PPM1L: variants seen among roughly 807,000 people sequenced by gnomAD.
PPM1L encodes protein phosphatase 1L.
In PPM1L, 13 loss-of-function variants were observed where a neutral mutation model predicts 31.4. That is an observed-to-expected ratio of 0.41 (90% confidence interval 0.27 to 0.66). The LOEUF is 0.66. Among genes scored for constraint, PPM1L ranks in the 30% least tolerant of loss-of-function variants. The probability of loss-of-function intolerance (pLI) is 0.29; values close to 1 mark genes in which losing one functional copy is unlikely to be tolerated. For missense variants in PPM1L, 326 were observed against 453.7 expected, an observed-to-expected ratio of 0.72 and a Z score of 2.56; for synonymous variants, 184 against 175.4, an observed-to-expected ratio of 1.05 and a Z score of -0.39.
intron 1 of PPM1L, among the ~76,000 whole-genome samples, chr3:160,944,246 AT>A (rs1715252181): frequency 6.6e-6 from 1 of 151,986 alleles, no homozygotes; most frequent in African/African-American, 2.4e-5. Context: ...CTTAATTCAA[AT>A]TTTACATGTC....
chr3:160,926,194 A>G (rs939119053), intron 1 of PPM1L, among the ~76,000 whole-genome samples: 2 of 152,180 alleles, frequency 1.3e-5, no homozygotes, highest in African/African-American at 2.4e-5. Flanking sequence ...CTGTGGATTC[A>G]TAATGTAATT....
In PPM1L at chr3:160,825,248, G is replaced by A. The variant is rs75379210; in HGVS notation, c.399+68541G>A. ...TTTGCAATTGAAATTTGAGTATTTG[G>A]GATCCTAAAATAGAACCGTAAGGTG... is the stretch of plus-strand genomic sequence containing the variant. On this transcript the variant is annotated intron_variant, in intron 1 of 3. Coordinates refer to ENST00000498165, the MANE Select transcript of PPM1L (RefSeq NM_139245.4). Among the ~76,000 whole-genome samples the A allele has an allele frequency of 2.0e-5, 3 of 151,820 alleles. No homozygotes were observed. The East Asian group carries it at 5.8e-4, about 29-fold the overall frequency.
chr3:160,851,339 C>A (rs1711513828), intron 1 of PPM1L, among the ~76,000 whole-genome samples: 2 of 152,100 alleles, frequency 1.3e-5, no homozygotes, highest in Admixed American at 1.3e-4. Flanking sequence ...ATCAGTGATT[C>A]TATTATTTTC....
At chr3:160,833,075 C>T (rs555962130) in intron 1 of PPM1L, among the ~76,000 whole-genome samples, 1 of 152,282 alleles carries the variant, frequency 6.6e-6, no homozygotes, top group East Asian at 1.9e-4. Flanking sequence ...CAGCTTCATC[C>T]ATGTCCCTGC....
At chr3:161,018,814 AT>A (rs1718159047) in intron 2 of PPM1L, among the ~76,000 whole-genome samples, 1 of 152,216 alleles carries the variant, frequency 6.6e-6, no homozygotes, top group African/African-American at 2.4e-5. Flanking sequence ...TTTCCAAGGT[AT>A]GTTCCTTGGC....
intron 1 of PPM1L, among the ~76,000 whole-genome samples, chr3:160,851,723 G>A (rs1027800751): frequency 1.3e-5 from 2 of 152,108 alleles, no homozygotes; most frequent in African/African-American, 4.8e-5. Flanking sequence ...GTTATCTAGA[G>A]GGAAAGATCC....
chr3:160,870,264 C>T (rs553017445), intron 1 of PPM1L, among the ~76,000 whole-genome samples: 9 of 152,248 alleles, frequency 5.9e-5, no homozygotes, highest in African/African-American at 1.9e-4. Flanking sequence ...CACCCACTCT[C>T]CGGAAAAGAG....
At chr3:161,022,323 C>A in intron 2 of PPM1L, 1 of 409,594 alleles carries the variant, frequency 2.4e-6, no homozygotes, top group Non-Finnish European at 4.3e-6. Flanking sequence ...TATGCTTATA[C>A]ATTATAATGT....
intron 2 of PPM1L, among the ~76,000 whole-genome samples, chr3:161,012,871 T>C (rs1717942923): frequency 6.6e-6 from 1 of 152,222 alleles, no homozygotes; most frequent in Non-Finnish European, 1.5e-5. Context: ...ATATCCCCTT[T>C]ATCATTTTTT....
At chr3:160,972,938 C>T (rs561310652) in intron 2 of PPM1L, among the ~76,000 whole-genome samples, 2 of 151,832 alleles carry the variant, frequency 1.3e-5, no homozygotes, top group Non-Finnish European at 2.9e-5. Flanking sequence ...ATTTGCATTT[C>T]TCTGATGGCC....
intron 1 of PPM1L, among the ~76,000 whole-genome samples, chr3:160,918,798 C>A (rs1714281213): frequency 6.6e-6 from 1 of 151,962 alleles, no homozygotes; most frequent in Admixed American, 6.6e-5. Context: ...ATACCCTTGC[C>A]TGGAATAATT....
intron 1 of PPM1L, among the ~76,000 whole-genome samples, chr3:160,815,395 G>A (rs779780408): frequency 1.3e-5 from 2 of 152,054 alleles, no homozygotes; most frequent in Non-Finnish European, 1.5e-5. Context: ...CTAAATAGAT[G>A]TTCATTGAAA....
intron 1 of PPM1L, among the ~76,000 whole-genome samples, chr3:160,918,445 A>G (rs1379898960): frequency 2.0e-5 from 3 of 152,256 alleles, no homozygotes; most frequent in African/African-American, 7.2e-5. Flanking sequence ...TCTGTTTGGA[A>G]ATTTCTATTA....
chr3:160,886,893 G>A (rs932413368), intron 1 of PPM1L, among the ~76,000 whole-genome samples: 5 of 152,016 alleles, frequency 3.3e-5, no homozygotes, highest in African/African-American at 1.2e-4. Context: ...TTCAGAAGGT[G>A]GGTAATAAAA....
At chr3:160,881,674 G>A (rs893110619) in intron 1 of PPM1L, among the ~76,000 whole-genome samples, 7 of 152,076 alleles carry the variant, frequency 4.6e-5, no homozygotes, top group Admixed American at 3.9e-4. Flanking sequence ...CAGAATTCTC[G>A]ATAGGGTTTT....
intron 1 of PPM1L, among the ~76,000 whole-genome samples, chr3:160,862,799 G>A (rs542546238): frequency 1.3e-5 from 2 of 151,520 alleles, no homozygotes; most frequent in Admixed American, 6.6e-5. Flanking sequence ...AGAGTAGGGG[G>A]GAAAAAAGCT....
At chr3:161,025,174 G>A (rs1718343508) in intron 2 of PPM1L, among the ~76,000 whole-genome samples, 1 of 152,132 alleles carries the variant, frequency 6.6e-6, no homozygotes, top group Non-Finnish European at 1.5e-5. Context: ...CCAAAACTGA[G>A]GTGTTGCCTG....
chr3:160,920,426 A>C (rs1576714408), intron 1 of PPM1L, among the ~76,000 whole-genome samples: 1 of 152,108 alleles, frequency 6.6e-6, no homozygotes, highest in African/African-American at 2.4e-5. Flanking sequence ...GAATTTCTAA[A>C]TGGATAAAAC....
At chr3:161,031,993 C>A (rs890560499) in intron 2 of PPM1L, among the ~76,000 whole-genome samples, 19 of 152,196 alleles carry the variant, frequency 1.2e-4, no homozygotes, top group Admixed American at 1.2e-3. Flanking sequence ...AGAGCAAAGT[C>A]TAACAGGGCT....
Sources: allele counts gnomAD v4.1 joint callset (sites outside exome capture counted in the v4.1 genomes callset), GRCh38; gene constraint gnomAD v4.1.1; transcripts MANE v1.5; gene names NCBI Gene and HGNC (gene_info 2026-07-23, HGNC 2026-07-21).